Variants in SH3YL1 observed in about 807,000 individuals in gnomAD.
SH3YL1 encodes SH3 domain-containing YSC84-like protein 1.
In SH3YL1, 41 loss-of-function variants were observed where a neutral mutation model predicts 45.8. The observed-to-expected ratio is 0.89, with a 90% CI of 0.70 to 1.16. The LOEUF (loss-of-function observed/expected upper bound fraction) is 1.16. Among genes scored for constraint, SH3YL1 ranks in the 50% most tolerant of loss-of-function variants. The pLI is 0.00. For missense variants in SH3YL1, 389 were observed against 409.6 expected, an observed-to-expected ratio of 0.95 and a Z score of 0.43; for synonymous variants, 152 against 151.4, an observed-to-expected ratio of 1.00 and a Z score of -0.03.
At chr2:256,537 C>A (rs1474695059) in intron 1 of SH3YL1, 1 of 151,928 alleles carries the variant, frequency 6.6e-6, no homozygotes, top group Non-Finnish European at 1.5e-5. Context: ...ACTAAAAATA[C>A]AAAAAATTAG....
At chr2:226,642 C>T (rs1017069162) in intron 8 of SH3YL1, among the ~76,000 whole-genome samples, 7 of 151,586 alleles carry the variant, frequency 4.6e-5, no homozygotes, top group African/African-American at 1.7e-4. Context: ...GTGAGGAATG[C>T]ATACAGTGGG....
intron 1 of SH3YL1, chr2:263,189 AAGC>A (rs1349908632): frequency 1.3e-5 from 2 of 155,480 alleles, no homozygotes; most frequent in Admixed American, 1.3e-4. Flanking sequence ...CATCTCCTGT[AAGC>A]AGAAGAGAAA....
At chr2:233,371 G>T in intron 5 of SH3YL1, 142 bp from the exon 6 acceptor site, 1 of 939,382 alleles carries the variant, frequency 1.1e-6, no homozygotes, top group Non-Finnish European at 1.4e-6. Context: ...ACTTACTGTA[G>T]GCCTAAATTA....
At chr2:222,343 T>C (rs1158971483) in intron 9 of SH3YL1, 1 of 152,228 alleles carries the variant, frequency 6.6e-6, no homozygotes, top group Non-Finnish European at 1.5e-5. Flanking sequence ...TCATGGAGCC[T>C]GCATGAGGCA....
At chr2:227,240 C>G (rs1667823014) in intron 8 of SH3YL1, among the ~76,000 whole-genome samples, 1 of 152,036 alleles carries the variant, frequency 6.6e-6, no homozygotes, top group Admixed American at 6.6e-5. Flanking sequence ...GTAGTAAAAA[C>G]TTTTGAAAAG....
chr2:218,952 T>A lies in SH3YL1; in HGVS notation c.888A>T (p.Gly296=). 2 of 1,614,068 alleles carry A rather than the reference T, an allele frequency of 1.2e-6. No homozygotes were observed. Among genetic ancestry groups the A allele is most frequent in the Non-Finnish European group, 1.7e-6 (2 of 1,179,994 alleles). Residue 296 remains glycine, a synonymous_variant, in exon 10 of 10, where the codon GGA becomes GGT. Coordinates refer to ENST00000356150, the MANE Select transcript of SH3YL1 (RefSeq NM_015677.4). ...GAAAATTCAAATCCCCAGGCTGCTG[T>A]CCTTCAAATGAATACAGCGCTGTCA... ...IEVTALYSFE[G]QQPGDLNFQA...
intron 9 of SH3YL1, among the ~76,000 whole-genome samples, chr2:223,598 C>G: frequency 6.6e-6 from 1 of 152,234 alleles, no homozygotes; most frequent in East Asian, 1.9e-4. Flanking sequence ...TTTGCTTCTA[C>G]AGGATGTGTA....
chr2:235,296 A>C (rs924568128), intron 4 of SH3YL1, among the ~76,000 whole-genome samples: 7 of 152,278 alleles, frequency 4.6e-5, no homozygotes, highest in Admixed American at 2.0e-4. Context: ...TGGAAGTCCA[A>C]AGTTAGAACT....
At chr2:245,311 T>A (rs533598679) in intron 4 of SH3YL1, among the ~76,000 whole-genome samples, 1 of 152,214 alleles carries the variant, frequency 6.6e-6, no homozygotes. Context: ...GAAATTGACA[T>A]TTAAAAGTTA....
intron 1 of SH3YL1, 128 bp downstream of exon 1, chr2:263,856 G>T: frequency 2.6e-6 from 2 of 765,212 alleles, no homozygotes. Context: ...TGGGCGGTTT[G>T]CGGTTAACAG....
upstream of SH3YL1, chr2:264,714 C>CCCCTGCAGGTGAACGGCGGCCCAGT (rs1465578738): frequency 2.0e-4 from 93 of 470,988 alleles, 2 homozygotes; most frequent in East Asian, 3.6e-3. Context: ...TGCAGCCCCG[C>CCCCTGCAGGTGAACGGCGGCCCAGT]CCCTGCAGGT....
intron 1 of SH3YL1, among the ~76,000 whole-genome samples, chr2:254,025 T>C (rs1319019046): frequency 6.6e-6 from 1 of 152,204 alleles, no homozygotes; most frequent in Non-Finnish European, 1.5e-5. Context: ...CCCTGTTATG[T>C]ATCTTCTTCC....
At chr2:225,679 G>C (rs922703761) in intron 8 of SH3YL1, among the ~76,000 whole-genome samples, 4 of 152,222 alleles carry the variant, frequency 2.6e-5, no homozygotes, top group African/African-American at 9.7e-5. Flanking sequence ...ACTAGAAATA[G>C]TTTTGAGCAA....
chr2:224,968 A>G (rs1667732102), intron 8 of SH3YL1, 48 bp from the exon 9 acceptor site: 1 of 1,454,200 alleles, frequency 6.9e-7, no homozygotes, highest in Non-Finnish European at 9.6e-7. Context: ...ATTAGTATAT[A>G]TCATACAAAA....
At chr2:223,424 A>C (rs1667660867) in intron 9 of SH3YL1, among the ~76,000 whole-genome samples, 1 of 152,130 alleles carries the variant, frequency 6.6e-6, no homozygotes, top group African/African-American at 2.4e-5. Flanking sequence ...TCCCTTCCCA[A>C]GCAAGTGCAG....
Position 249,786 on chromosome 2 carries a change from G to A in SH3YL1, c.171C>T (p.Phe57=). Residue 57 remains phenylalanine, a synonymous_variant, in exon 3 of 10, where the codon TTC becomes TTT. Transcript: ENST00000356150. ...CGCTGCCTCCTCTGGCAGTCACCAG[G>A]AACCCGGCTTTGATCACAGACAGAA... ...LAILSVIKAG[F]LVTARGGSGI... 6.4e-7 allele frequency: 1 copy of A among 1,551,968 alleles called. No individual in the cohort carries two copies. The highest frequency in any genetic ancestry group is 1.2e-5 in the South Asian group (1 of 84,062).
Position 247,370 on chromosome 2 carries a change from C to T in SH3YL1, c.291+168G>A, listed in dbSNP as rs772917382. On this transcript the variant is annotated intron_variant, in intron 4 of 9. Coordinates refer to ENST00000356150, the MANE Select transcript of SH3YL1 (RefSeq NM_015677.4). ...AAAGAAAAGGAAAGTAAATGGGAAC[C>T]ATCAGATAGCTTTAGTTAGACATTC... is the stretch of plus-strand genomic sequence containing the variant. Among the ~76,000 whole-genome samples the T allele has an allele frequency of 9.9e-5, 15 of 152,170 alleles. 1 individual carries two copies. Among genetic ancestry groups the T allele is most frequent in the South Asian group, 2.1e-4 (1 of 4,830 alleles).
chr2:250,891 T>C (rs1669044455), intron 2 of SH3YL1, among the ~76,000 whole-genome samples: 1 of 152,216 alleles, frequency 6.6e-6, no homozygotes, highest in African/African-American at 2.4e-5. Flanking sequence ...GGCTGTCTAC[T>C]AAGTGTACTT....
At chr2:243,168 C>T (rs1668621673) in intron 4 of SH3YL1, among the ~76,000 whole-genome samples, 1 of 152,088 alleles carries the variant, frequency 6.6e-6, no homozygotes, top group African/African-American at 2.4e-5. Flanking sequence ...ACCATGTAAA[C>T]CAACTAGACC....
Sources: allele counts gnomAD v4.1 joint callset (sites outside exome capture counted in the v4.1 genomes callset), GRCh38; gene constraint gnomAD v4.1.1; transcripts MANE v1.5; gene names NCBI Gene and HGNC (gene_info 2026-07-23, HGNC 2026-07-21).